The following SLC23A2 variants were observed in gnomAD, a reference collection of about 807,000 sequenced individuals.
SLC23A2 encodes the protein solute carrier family 23 member 2.
SLC23A2 carries 36 observed loss-of-function variants against 73.3 expected under a neutral mutation model. That is an observed-to-expected ratio of 0.49 (90% confidence interval 0.38 to 0.65). SLC23A2 has a LOEUF of 0.65. Ranked by LOEUF, SLC23A2 falls within the 30% of genes least tolerant of loss-of-function variation. The pLI is 0.00. For synonymous variants in SLC23A2, 343 were observed against 327.3 expected, an observed-to-expected ratio of 1.05 and a Z score of -0.52; for missense variants, 507 against 841.6, an observed-to-expected ratio of 0.60 and a Z score of 4.92.
chr20:4,983,387 C>G (rs892377940), intron 1 of SLC23A2, among the ~76,000 whole-genome samples: 1 of 152,182 alleles, frequency 6.6e-6, no homozygotes, highest in Admixed American at 6.5e-5. Context: ...TGGCTCACGC[C>G]TGTAATCCCA....
At chr20:4,913,950 G>A (rs1306848483) in intron 3 of SLC23A2, among the ~76,000 whole-genome samples, 1 of 151,696 alleles carries the variant, frequency 6.6e-6, no homozygotes, top group African/African-American at 2.4e-5. Context: ...ATAGGCCACT[G>A]ACACCCAGAA....
At chr20:4,979,458 A>C (rs1487817884) in intron 1 of SLC23A2, among the ~76,000 whole-genome samples, 2 of 151,600 alleles carry the variant, frequency 1.3e-5, no homozygotes, top group Non-Finnish European at 2.9e-5. Context: ...TAATCCCAAC[A>C]CTTTGGGAAG....
upstream of SLC23A2, chr20:5,001,526 G>C (rs1393257843): frequency 1.3e-5 from 2 of 150,600 alleles, no homozygotes; most frequent in East Asian, 2.0e-4. Context: ...GGAGGGGCGG[G>C]CCGGGGGCGG....
intron 6 of SLC23A2, among the ~76,000 whole-genome samples, chr20:4,889,774 C>A (rs923943332): frequency 2.6e-5 from 4 of 152,010 alleles, no homozygotes; most frequent in African/African-American, 9.7e-5. Flanking sequence ...CTTGACCCAC[C>A]ATGTATCCTC....
In SLC23A2 at chr20:4,856,820, C is replaced by T; in HGVS notation, c.*152G>A. ...GAGACACCGCATCAGGCACCATCAC[C>T]CTCACAGCAGAAAAGTGATTCGCAG... is the stretch of plus-strand genomic sequence containing the variant. On this transcript the variant is annotated 3_prime_UTR_variant, in exon 17 of 17. Coordinates refer to ENST00000338244, the MANE Select transcript of SLC23A2 (RefSeq NM_005116.6). This position sits in a 1 kb window ranked among gnomAD's most constrained non-coding sequence, Gnocchi z 4.6. The T allele has an allele frequency of 1.6e-6, 1 of 615,938 alleles. No homozygotes were observed. The highest frequency in any genetic ancestry group is 1.9e-5 in the South Asian group (1 of 52,170). 38.2% of individuals were successfully genotyped at this position (615,938 alleles called of 1,614,324 possible). A position where few individuals can be genotyped will look rare whatever the true frequency, so the allele number is the denominator to read the frequency against.
rs1050553198 is a variant in SLC23A2 at position 4,982,767 on chromosome 20, G to A, written c.-281-11848C>T. 5.3e-5 allele frequency among the ~76,000 whole-genome samples: 8 copies of A among 152,272 alleles called. No homozygotes were observed. In the East Asian group the frequency reaches 1.4e-3, roughly 26 times the overall value. ...AAAGGGCATCAGGACAACGTAATGG[G>A]GGGTAGAGTCATCCTTTAAACAAAT... On this transcript the variant is annotated intron_variant, in intron 1 of 16. Coordinates refer to ENST00000338244, the MANE Select transcript of SLC23A2 (RefSeq NM_005116.6).
intron 4 of SLC23A2, among the ~76,000 whole-genome samples, chr20:4,903,660 A>T (rs1487053952): frequency 6.6e-6 from 1 of 152,236 alleles, no homozygotes; most frequent in Non-Finnish European, 1.5e-5. Flanking sequence ...TTTCACAGCC[A>T]GAAGGTAAAT....
In SLC23A2 at chr20:4,853,336, C is replaced by G. The variant is rs368101469; in HGVS notation, c.*3636G>C. ...CTGGAATGAGGCTTCTGCTACTGCT[C>G]CATATTCACCTTCAATCTGGCCTGG... On this transcript the variant is annotated 3_prime_UTR_variant, in exon 17 of 17. Coordinates refer to ENST00000338244, the MANE Select transcript of SLC23A2 (RefSeq NM_005116.6). 1 of 152,646 alleles carries G rather than the reference C, an allele frequency of 6.6e-6. No individual in the cohort carries two copies. Among genetic ancestry groups the G allele is most frequent in the East Asian group, 1.9e-4 (1 of 5,206 alleles). The allele number at this position is 152,646 out of a possible 1,614,324, so 9.5% of individuals were successfully genotyped here.
At chr20:4,903,976 G>A (rs1868325851) in intron 4 of SLC23A2, among the ~76,000 whole-genome samples, 1 of 152,180 alleles carries the variant, frequency 6.6e-6, no homozygotes, top group African/African-American at 2.4e-5. Context: ...GATAACCTGA[G>A]CTCTTGGGGT....
At chr20:4,923,257 G>T (rs563223419) in intron 3 of SLC23A2, among the ~76,000 whole-genome samples, 2 of 145,994 alleles carry the variant, frequency 1.4e-5, no homozygotes, top group Non-Finnish European at 3.0e-5. Flanking sequence ...AGGGAGGCAG[G>T]GAGGGAGGGA....
At chr20:4,986,114 G>T (rs893120547) in intron 1 of SLC23A2, among the ~76,000 whole-genome samples, 2 of 151,968 alleles carry the variant, frequency 1.3e-5, no homozygotes, top group Admixed American at 1.3e-4. Context: ...TCAATTTAGG[G>T]CATCATAACC....
chr20:4,876,059 T>C (rs1174551422), intron 9 of SLC23A2, among the ~76,000 whole-genome samples: 1 of 152,122 alleles, frequency 6.6e-6, no homozygotes, highest in African/African-American at 2.4e-5. Context: ...CCAGTACCAG[T>C]TCAAGGTCGA....
chr20:4,951,334 G>C (rs967538933), intron 2 of SLC23A2, among the ~76,000 whole-genome samples: 1 of 152,162 alleles, frequency 6.6e-6, no homozygotes, highest in Non-Finnish European at 1.5e-5. Flanking sequence ...TAACTCAGAA[G>C]TAAGCCAGAG....
chr20:4,977,879 A>G (rs1451296762), intron 1 of SLC23A2, among the ~76,000 whole-genome samples: 1 of 152,072 alleles, frequency 6.6e-6, no homozygotes, highest in Non-Finnish European at 1.5e-5. Context: ...ATAAATATAT[A>G]TGCAAGACAA....
chr20:4,965,688 C>T (rs1568646123), intron 2 of SLC23A2, among the ~76,000 whole-genome samples: 2 of 151,670 alleles, frequency 1.3e-5, no homozygotes, highest in Non-Finnish European at 1.5e-5. Flanking sequence ...CACCCTCAGC[C>T]GGGCGCGGTG....
At chr20:4,957,582 C>CAA (rs750802378) in intron 2 of SLC23A2, among the ~76,000 whole-genome samples, 3,831 of 100,198 alleles carry the variant, frequency 0.038, 185 homozygotes, top group African/African-American at 0.12. Context: ...ACTATAACCT[C>CAA]AAAAAAAAAA....
At chr20:4,928,092 GC>G (rs1932730956) in intron 3 of SLC23A2, among the ~76,000 whole-genome samples, 1 of 152,144 alleles carries the variant, frequency 6.6e-6, no homozygotes, top group South Asian at 2.1e-4. Flanking sequence ...AGGATGGCAT[GC>G]AATGACACAA....
intron 11 of SLC23A2, among the ~76,000 whole-genome samples, chr20:4,870,680 C>T (rs749842959): frequency 3.1e-4 from 47 of 152,112 alleles, no homozygotes; most frequent in Non-Finnish European, 6.6e-4. Context: ...TAAATAACAA[C>T]TGAAAGTGCC....
In SLC23A2 at chr20:4,855,055, T is replaced by A. The variant is rs1929664535; in HGVS notation, c.*1917A>T. ...CGCGAGCCAGTGTGCTTCTAAAGTA[T>A]GCATCAAAGACACATTTAAAAAAAC... On this transcript the variant is annotated 3_prime_UTR_variant, in exon 17 of 17. Coordinates refer to ENST00000338244, the MANE Select transcript of SLC23A2 (RefSeq NM_005116.6). 6.6e-6 allele frequency: 1 copy of A among 152,584 alleles called. No individual in the cohort carries two copies. Among genetic ancestry groups the A allele is most frequent in the African/African-American group, 2.4e-5 (1 of 41,426 alleles). The allele number at this position is 152,584 out of a possible 1,614,324, so 9.5% of individuals were successfully genotyped here. A position where few individuals can be genotyped will look rare whatever the true frequency, so the allele number is the denominator to read the frequency against.
Sources: allele counts gnomAD v4.1 joint callset (sites outside exome capture counted in the v4.1 genomes callset), GRCh38; gene constraint gnomAD v4.1.1; non-coding constraint Gnocchi (gnomAD v3.1); transcripts MANE v1.5; gene names NCBI Gene and HGNC (gene_info 2026-07-23, HGNC 2026-07-21).